FOXP2: variants seen among roughly 807,000 people sequenced by gnomAD.
The protein encoded by FOXP2 is forkhead box protein P2.
A neutral mutation model predicts 115.8 loss-of-function variants in FOXP2; 12 were observed. The ratio of observed to expected loss-of-function variants is 0.10; its 90% confidence interval spans 0.07 to 0.17. The LOEUF (loss-of-function observed/expected upper bound fraction) is 0.17. Among genes scored for constraint, FOXP2 ranks in the 10% least tolerant of loss-of-function variants. The pLI is 1.00. For missense variants in FOXP2, 629 were observed against 843.5 expected (o/e 0.75, Z 3.15); for synonymous variants, 328 against 297.7 (o/e 1.10, Z -1.05).
At chr7:114,362,053 TA>T (rs1791757966) in intron 2 of FOXP2, among the ~76,000 whole-genome samples, 1 of 151,952 alleles carries the variant, frequency 6.6e-6, no homozygotes, top group Admixed American at 6.6e-5. Context: ...ACAATGTTGA[TA>T]TGATGAAACT....
rs1298923416 is a variant in FOXP2 at position 114,415,028 on chromosome 7, C to T, written c.-343C>T. Reference sequence around the variant, plus strand: ...CCTTTGTCACCCCTCACGTTGCACACCAAAGACATACCCTAGTGATTAAAT... The same window carrying T: ...CCTTTGTCACCCCTCACGTTGCACATCAAAGACATACCCTAGTGATTAAAT... On this transcript the variant is annotated 5_prime_UTR_variant, in exon 1 of 17. Coordinates refer to ENST00000350908, the MANE Select transcript of FOXP2 (RefSeq NM_014491.4). 3 of 452,944 alleles carry T rather than the reference C, an allele frequency of 6.6e-6. No homozygotes were observed. Among genetic ancestry groups the T allele is most frequent in the Non-Finnish European group, 1.3e-5 (3 of 225,994 alleles). The allele number at this position is 452,944 out of a possible 1,614,324, so 28.1% of individuals were successfully genotyped here.
At position 114,414,997 on chromosome 7, in the gene FOXP2, C is replaced by T. The variant is rs1481002345; in HGVS notation, c.-374C>T. On this transcript the variant is annotated 5_prime_UTR_variant, in exon 1 of 17. Transcript: ENST00000350908. ...ATTATGGTAAGCATGCTGGCTCAGT[C>T]TTGAACCTTTGTCACCCCTCACGTT... 2.3e-6 allele frequency: 1 copy of T among 443,544 alleles called. No homozygotes were observed. Among genetic ancestry groups the T allele is most frequent in the Non-Finnish European group, 4.5e-6 (1 of 221,158 alleles). The allele number at this position is 443,544 out of a possible 1,614,324, so 27.5% of individuals were successfully genotyped here. A position where few individuals can be genotyped will look rare whatever the true frequency, so the allele number is the denominator to read the frequency against.
Position 114,534,725 on chromosome 7 carries a change from T to C in FOXP2, c.258+19T>C. On this transcript the variant is annotated intron_variant, in intron 3 of 16. Coordinates refer to ENST00000350908, the MANE Select transcript of FOXP2 (RefSeq NM_014491.4). ...ACTGCAGGTTAGTAAAGCACTCCTG[T>C]CCTTGGGGTCTTATTTTAAAAGATG... 6.3e-7 allele frequency: 1 copy of C among 1,583,576 alleles called. No individual in the cohort carries two copies. The highest frequency in any genetic ancestry group is 8.7e-7 in the Non-Finnish European group (1 of 1,152,862).
At chr7:114,637,240 A>G (rs2129330743) in intron 6 of FOXP2, among the ~76,000 whole-genome samples, 1 of 152,300 alleles carries the variant, frequency 6.6e-6, no homozygotes, top group East Asian at 1.9e-4. Flanking sequence ...TCATTTACTC[A>G]GCTCCTGTGG....
chr7:114,439,607 G>A (rs544250512), intron 2 of FOXP2, among the ~76,000 whole-genome samples: 10 of 151,894 alleles, frequency 6.6e-5, no homozygotes, highest in Non-Finnish European at 1.5e-4. Flanking sequence ...GTGCAGTGGC[G>A]TGATCTTAGC....
At chr7:114,545,880 C>A (rs1799898627) in intron 3 of FOXP2, among the ~76,000 whole-genome samples, 1 of 152,120 alleles carries the variant, frequency 6.6e-6, no homozygotes, top group African/African-American at 2.4e-5. Context: ...CCCATCCTCA[C>A]CAGCACACAC....
intron 3 of FOXP2, among the ~76,000 whole-genome samples, chr7:114,545,325 A>G (rs1470170800): frequency 6.6e-6 from 1 of 152,092 alleles, no homozygotes; most frequent in Non-Finnish European, 1.5e-5. Context: ...TTATATATTT[A>G]TTGTCTAAAT....
chr7:114,106,841 G>C (rs970216326), intron 1 of FOXP2, among the ~76,000 whole-genome samples: 9 of 151,860 alleles, frequency 5.9e-5, no homozygotes, highest in Non-Finnish European at 1.3e-4. Flanking sequence ...CAGTTTTATA[G>C]AATATTCTTT....
intron 3 of FOXP2, among the ~76,000 whole-genome samples, chr7:114,538,715 G>T (rs1799512338): frequency 6.6e-6 from 1 of 151,706 alleles, no homozygotes; most frequent in South Asian, 2.1e-4. Flanking sequence ...TCATTTTGAA[G>T]TAAGTGAGGT....
chr7:114,192,897 A>G lies in FOXP2; in HGVS notation c.-102+29809A>G, dbSNP rs541770271. Among the ~76,000 whole-genome samples, 7 of 152,286 alleles carry G rather than the reference A, an allele frequency of 4.6e-5. No individual in the cohort carries two copies. In the South Asian group the frequency reaches 1.4e-3, roughly 32 times the overall value. ...AATAAAAATACATAAATGAAGAGCT[A>G]TGGACTGTGTTCAAGTGATGATGTT... On this transcript the variant is annotated intron_variant, in intron 1 of 17. Transcript: ENST00000634411.
At chr7:114,563,012 T>C (rs1312257774) in intron 3 of FOXP2, among the ~76,000 whole-genome samples, 1 of 151,380 alleles carries the variant, frequency 6.6e-6, no homozygotes, top group Admixed American at 6.6e-5. Flanking sequence ...AGAGGAGGAG[T>C]AAAGGCACAT....
At chr7:114,336,662 A>T (rs906416253) in intron 2 of FOXP2, among the ~76,000 whole-genome samples, 3 of 151,498 alleles carry the variant, frequency 2.0e-5, no homozygotes, top group African/African-American at 7.3e-5. Flanking sequence ...TAAGAGAAAA[A>T]TTTAAATAAT....
intron 2 of FOXP2, among the ~76,000 whole-genome samples, chr7:114,442,778 A>G (rs1794666568): frequency 6.6e-6 from 1 of 152,136 alleles, no homozygotes; most frequent in African/African-American, 2.4e-5. Context: ...GGTGAATTTT[A>G]TGGTATGTAA....
chr7:114,223,608 C>T (rs35313157), intron 1 of FOXP2, among the ~76,000 whole-genome samples: 4,682 of 147,720 alleles, frequency 0.032, 110 homozygotes, highest in Non-Finnish European at 0.046. Context: ...TACATTCTCA[C>T]GGTTTATGGT....
chr7:114,562,382 C>T lies in FOXP2; in HGVS notation c.258+27676C>T, dbSNP rs531823072. ...CATCAGTTTCTAGCCTTCACTGTAC[C>T]CTTAAAGCACTTAAGTCACACCTGT... On this transcript the variant is annotated intron_variant, in intron 3 of 16. Coordinates refer to ENST00000350908, the MANE Select transcript of FOXP2 (RefSeq NM_014491.4). Among the ~76,000 whole-genome samples, 3 of 152,218 alleles carry T rather than the reference C, an allele frequency of 2.0e-5. No individual in the cohort carries two copies. The South Asian group carries it at 6.2e-4, about 32-fold the overall frequency.
At chr7:114,242,808 T>C (rs1010884861) in intron 1 of FOXP2, among the ~76,000 whole-genome samples, 2 of 152,166 alleles carry the variant, frequency 1.3e-5, no homozygotes, top group African/African-American at 4.8e-5. Context: ...TTCATCTAAA[T>C]CCTCCATTTT....
In FOXP2 at chr7:114,659,664, A is replaced by T. The variant is rs781512446; in HGVS notation, c.1638A>T (p.Ala546=). The change falls in exon 13 of 17, where the codon GCA becomes GCT. Residue 546 remains alanine (A), a synonymous_variant. Coordinates refer to ENST00000350908, the MANE Select transcript of FOXP2 (RefSeq NM_014491.4). ...RTFAYFRRNA[A]TWKNAVRHNL... ...TTGCTTACTTCAGGCGTAATGCAGC[A>T]ACTTGGAAGGTAACTACTTTTCCAG... is the stretch of plus-strand genomic sequence containing the variant. 2 of 1,613,434 alleles carry T rather than the reference A, an allele frequency of 1.2e-6. 1 individual carries two copies. Among genetic ancestry groups the T allele is most frequent in the South Asian group, 2.2e-5 (2 of 91,076 alleles).
At chr7:114,317,363 A>G (rs139936811) in intron 2 of FOXP2, among the ~76,000 whole-genome samples, 4 of 152,326 alleles carry the variant, frequency 2.6e-5, no homozygotes, top group African/African-American at 9.6e-5. Flanking sequence ...GATTTGAGAG[A>G]GTAGGGATGG....
At chr7:114,593,397 A>G (rs1278872411) in intron 3 of FOXP2, among the ~76,000 whole-genome samples, 5 of 151,968 alleles carry the variant, frequency 3.3e-5, no homozygotes, top group African/African-American at 1.2e-4. Flanking sequence ...AGTTGTACCA[A>G]TTGACAAAAC....
Sources: allele counts gnomAD v4.1 joint callset (sites outside exome capture counted in the v4.1 genomes callset), GRCh38; gene constraint gnomAD v4.1.1; transcripts MANE v1.5; gene names NCBI Gene and HGNC (gene_info 2026-07-23, HGNC 2026-07-21).